GARNL3: variants seen among roughly 807,000 people sequenced by gnomAD.
GARNL3 encodes GTPase-activating Rap/Ran-GAP domain-like protein 3.
In GARNL3, 63 loss-of-function variants were observed where a neutral mutation model predicts 125.0. The observed-to-expected ratio is 0.50, with a 90% confidence interval of 0.41 to 0.62. The LOEUF (loss-of-function observed/expected upper bound fraction) is 0.62, where lower values mean the gene tolerates loss of function less well. Among genes scored for constraint, GARNL3 ranks in the 20% least tolerant of loss-of-function variants. The pLI is 0.00. For synonymous variants in GARNL3, 439 were observed against 457.5 expected (o/e 0.96, Z 0.52); for missense variants, 994 against 1,244.0 (o/e 0.80, Z 3.02).
At chr9:127,253,617 G>A (rs1055563366) in intron 2 of GARNL3, among the ~76,000 whole-genome samples, 3 of 152,136 alleles carry the variant, frequency 2.0e-5, no homozygotes, top group Admixed American at 6.6e-5. Flanking sequence ...TAGGTGCTAA[G>A]GGCAGCTCAG....
chr9:127,331,720 C>CTTTTTTTTTTTTATTTTTTTTTTTTTTT (rs1829256854), intron 7 of GARNL3, among the ~76,000 whole-genome samples: 1 of 74,416 alleles, frequency 1.3e-5, no homozygotes, highest in Non-Finnish European at 2.5e-5. Flanking sequence ...CTTGGGCTTG[C>CTTTTTTTTTTTTATTTTTTTTTTTTTTT]TTTTTTTTTT....
intron 17 of GARNL3, 28 bp downstream of exon 17, chr9:127,349,063 T>A (rs1564166235): frequency 6.8e-7 from 1 of 1,479,908 alleles, no homozygotes; most frequent in East Asian, 2.3e-5. Flanking sequence ...CCTACAAATG[T>A]CTTTTTCATG....
chr9:127,346,924 C>G (rs1023000903), intron 16 of GARNL3, among the ~76,000 whole-genome samples: 1 of 152,200 alleles, frequency 6.6e-6, no homozygotes, highest in Non-Finnish European at 1.5e-5. Context: ...CACATTCTCA[C>G]CTGGTGGAAT....
intron 2 of GARNL3, among the ~76,000 whole-genome samples, chr9:127,295,841 G>A (rs1007783184): frequency 2.0e-5 from 3 of 152,016 alleles, no homozygotes; most frequent in South Asian, 2.1e-4. Context: ...AGTGGGAGAT[G>A]GTTTCAGGAT....
At chr9:127,355,078 C>CCA (rs1240728168) in intron 19 of GARNL3, among the ~76,000 whole-genome samples, 2 of 152,208 alleles carry the variant, frequency 1.3e-5, no homozygotes, top group Non-Finnish European at 2.9e-5. Flanking sequence ...TAGGCGTGAA[C>CCA]CACCGCACCC....
intron 2 of GARNL3, among the ~76,000 whole-genome samples, chr9:127,303,569 C>G (rs922868231): frequency 3.3e-5 from 5 of 152,130 alleles, no homozygotes; most frequent in African/African-American, 1.2e-4. Context: ...TCCATTTTCC[C>G]TACTGCCATG....
At chr9:127,256,715 GA>G (rs918662155) in intron 2 of GARNL3, among the ~76,000 whole-genome samples, 1 of 152,194 alleles carries the variant, frequency 6.6e-6, no homozygotes, top group Admixed American at 6.5e-5. Context: ...GCAGTGGTAA[GA>G]AATAACACAG....
At chr9:127,238,629 T>A (rs925135096) in intron 1 of GARNL3, among the ~76,000 whole-genome samples, 2 of 152,224 alleles carry the variant, frequency 1.3e-5, no homozygotes, top group African/African-American at 4.8e-5. Context: ...CAGAAAGCAC[T>A]TCCACACTGA....
At chr9:127,331,127 T>C (rs536443743) in intron 7 of GARNL3, among the ~76,000 whole-genome samples, 1 of 152,162 alleles carries the variant, frequency 6.6e-6, no homozygotes, top group African/African-American at 2.4e-5. Flanking sequence ...ACATTTGATT[T>C]TGTGTTTATT....
At chr9:127,345,709 G>A (rs987884141) in intron 16 of GARNL3, among the ~76,000 whole-genome samples, 5 of 152,228 alleles carry the variant, frequency 3.3e-5, no homozygotes, top group African/African-American at 9.6e-5. Flanking sequence ...CTGGAGGACC[G>A]ACCTGGTCAG....
intron 9 of GARNL3, 137 bp from the exon 10 acceptor site, chr9:127,335,093 T>G: frequency 1.6e-6 from 1 of 640,624 alleles, no homozygotes; most frequent in Admixed American, 2.5e-5. Context: ...TGGAGGGTTG[T>G]TGCTTCCATG....
intron 2 of GARNL3, among the ~76,000 whole-genome samples, chr9:127,296,900 A>T (rs2064613920): frequency 1.3e-5 from 2 of 151,850 alleles, no homozygotes; most frequent in Non-Finnish European, 2.9e-5. Context: ...TCTTTCTGGC[A>T]GCCACCCCCG....
At chr9:127,272,051 T>C (rs955580287) in intron 1 of GARNL3, among the ~76,000 whole-genome samples, 1 of 150,348 alleles carries the variant, frequency 6.7e-6, no homozygotes, top group East Asian at 1.9e-4. Context: ...AAAAGAACGG[T>C]TGATGATGAA....
chr9:127,316,783 T>C (rs1012265861), intron 4 of GARNL3, among the ~76,000 whole-genome samples: 1 of 152,048 alleles, frequency 6.6e-6, no homozygotes, highest in Admixed American at 6.5e-5. Flanking sequence ...TCTCCAAGGA[T>C]GTAGTTATGA....
At chr9:127,349,412 T>TA (rs879771012) in intron 17 of GARNL3, among the ~76,000 whole-genome samples, 59 of 144,772 alleles carry the variant, frequency 4.1e-4, no homozygotes, top group East Asian at 2.8e-3. Flanking sequence ...CTCGAAGTCT[T>TA]AAAAAAAAAA....
chr9:127,262,885 C>G (rs1485553367), upstream of GARNL3, among the ~76,000 whole-genome samples: 2 of 152,212 alleles, frequency 1.3e-5, no homozygotes, highest in Admixed American at 1.3e-4. Context: ...CTACTCCTAA[C>G]CCTTGTGCTG....
At chr9:127,348,897 T>C (rs62579673) in intron 16 of GARNL3, 27 bp from the exon 17 acceptor site, 2 of 1,511,726 alleles carry the variant, frequency 1.3e-6, no homozygotes, top group Middle Eastern at 2.2e-4. Flanking sequence ...GGTGCACTTA[T>C]CTTCCGATGC....
intron 2 of GARNL3, among the ~76,000 whole-genome samples, chr9:127,258,513 C>T (rs1280254552): frequency 2.0e-5 from 3 of 152,004 alleles, no homozygotes; most frequent in Non-Finnish European, 4.4e-5. Flanking sequence ...GTGGTGTGTG[C>T]CTGTAGTCCC....
At chr9:127,250,528 GGGCACA>G (rs1356620139) in intron 2 of GARNL3, among the ~76,000 whole-genome samples, 13 of 152,138 alleles carry the variant, frequency 8.5e-5, no homozygotes, top group Non-Finnish European at 1.8e-4. Flanking sequence ...GTCTGATTAG[GGGCACA>G]TGATATTTTG....
Sources: gnomAD v4.1 joint callset for allele counts (sites outside exome capture counted in the v4.1 genomes callset) on GRCh38, gnomAD v4.1.1 for gene constraint, MANE v1.5 for transcripts, NCBI Gene and HGNC (gene_info 2026-07-23, HGNC 2026-07-21) for gene names.